The following ADAP2 variants were observed in gnomAD, a reference collection of about 807,000 sequenced individuals.
ADAP2 encodes the protein arf-GAP with dual PH domain-containing protein 2.
In ADAP2, 42 loss-of-function variants were observed where a neutral mutation model predicts 54.9. The ratio of observed to expected loss-of-function variants is 0.77; its 90% CI spans 0.60 to 0.99. The LOEUF is 0.99. ADAP2 is among the 50% of genes least tolerant of loss of function. The pLI is 0.00. For synonymous variants in ADAP2, 177 were observed against 180.1 expected (o/e 0.98, Z 0.14); for missense variants, 429 against 480.4 (o/e 0.89, Z 1.00).
At chr17:30,941,839 GGAT>G (rs1912291516) in intron 5 of ADAP2, among the ~76,000 whole-genome samples, 1 of 152,090 alleles carries the variant, frequency 6.6e-6, no homozygotes, top group South Asian at 2.1e-4. Context: ...GTGACATTTA[GGAT>G]GATAAGTAAT....
chr17:30,954,647 A>G (rs1192210405), intron 9 of ADAP2, 92 bp downstream of exon 9: 23 of 1,096,790 alleles, frequency 2.1e-5, no homozygotes, highest in Non-Finnish European at 2.8e-5. Context: ...AGATAAACAC[A>G]TCTCCCAGAG....
intron 2 of ADAP2, among the ~76,000 whole-genome samples, 171 bp from the exon 3 acceptor site, chr17:30,926,656 C>T (rs146947398): frequency 6.6e-6 from 1 of 152,272 alleles, no homozygotes; most frequent in East Asian, 1.9e-4. Context: ...GTTATATCTG[C>T]CCATGATTGT....
chr17:30,954,246 G>T (rs575479803), intron 8 of ADAP2: 1 of 428,874 alleles, frequency 2.3e-6, no homozygotes, highest in South Asian at 5.0e-5. Flanking sequence ...AGGCAGCAGG[G>T]TGAAGCTGGC....
chr17:30,934,311 C>T lies in ADAP2; in HGVS notation c.510+14C>T. 6.4e-7 allele frequency: 1 copy of T among 1,573,488 alleles called. No homozygotes were observed. Among genetic ancestry groups the T allele is most frequent in the Non-Finnish European group, 8.7e-7 (1 of 1,144,174 alleles). On this transcript the variant is annotated intron_variant, in intron 5 of 10. Transcript: ENST00000330889. ...ACAAAGGAACAGGTAAGATGCCAGA[C>T]CAATGAGAGCAGGTCCCTTCCTGAG...
Position 30,954,549 on chromosome 17 carries a change from CCCACTGGTAAGAG to C in ADAP2, c.882_882+12del. 1 of 1,613,946 alleles carries C rather than the reference CCCACTGGTAAGAG, an allele frequency of 6.2e-7. No individual in the cohort carries two copies. The highest frequency in any genetic ancestry group is 8.5e-7 in the Non-Finnish European group (1 of 1,179,840). On this transcript the variant is annotated splice_donor_variant and splice_donor_5th_base_variant and coding_sequence_variant and intron_variant, in exon 9 of 11. Coordinates refer to ENST00000330889, the MANE Select transcript of ADAP2 (RefSeq NM_018404.3). LOFTEE classifies it high-confidence loss of function. Reference sequence around the variant, plus strand: ...AGCGGAGGCTGCTCTATTACAAGAACCCACTGGTAAGAGCCACTCCTGCTCCCTCCCCAGGGCT... The same window carrying C: ...AGCGGAGGCTGCTCTATTACAAGAACCCACTCCTGCTCCCTCCCCAGGGCT...
At chr17:30,949,433 T>A in intron 7 of ADAP2, 63 bp downstream of exon 7, 1 of 1,490,340 alleles carries the variant, frequency 6.7e-7, no homozygotes, top group Non-Finnish European at 9.4e-7. Flanking sequence ...TTTCCCTGTC[T>A]GTTGACCTCG....
intron 7 of ADAP2, among the ~76,000 whole-genome samples, chr17:30,951,328 T>A (rs1052990960): frequency 8.5e-5 from 13 of 152,090 alleles, no homozygotes; most frequent in Non-Finnish European, 1.6e-4. Context: ...CTTTCCTTTT[T>A]TTCCCAATGG....
intron 4 of ADAP2, 143 bp from the exon 5 acceptor site, chr17:30,934,042 C>A: frequency 1.6e-6 from 1 of 614,424 alleles, no homozygotes; most frequent in Non-Finnish European, 2.9e-6. Context: ...TTGTGTTCTG[C>A]AGCTGAAATA....
chr17:30,956,762 A>T (rs1905104658), intron 10 of ADAP2: 1 of 432,314 alleles, frequency 2.3e-6, no homozygotes, highest in Non-Finnish European at 4.3e-6. Flanking sequence ...GTGGGGGCTA[A>T]GCAGCTTCTC....
intron 2 of ADAP2, among the ~76,000 whole-genome samples, chr17:30,923,494 A>T (rs1598019894): frequency 6.6e-6 from 1 of 151,076 alleles, no homozygotes; most frequent in East Asian, 2.0e-4. Flanking sequence ...CGAACTCCTG[A>T]CCTCAGGCGA....
chr17:30,945,367 C>T (rs2089464), intron 6 of ADAP2, among the ~76,000 whole-genome samples: 31,848 of 152,078 alleles, frequency 0.21, 10,502 homozygotes, highest in African/African-American at 0.7. Flanking sequence ...GTTCTGAATA[C>T]GGGGGAGGAA....
chr17:30,955,700 CA>C lies in ADAP2; in HGVS notation c.883-528del, dbSNP rs61109751. Among the ~76,000 whole-genome samples, 716 of 104,080 alleles carry C rather than the reference CA, an allele frequency of 6.9e-3. 1 individual carries two copies. The highest frequency in any genetic ancestry group is 1.0e-2 in the Non-Finnish European group (489 of 49,104). 68.3% of individuals were successfully genotyped at this position (104,080 alleles called of 152,430 possible). ...CTGGGTGCAGAGTGAGACTCCGTCT[CA>C]AAAAAAAAAAAAGAAAGAAAAAAAA... is the stretch of plus-strand genomic sequence containing the variant. On this transcript the variant is annotated intron_variant, in intron 9 of 10. Coordinates refer to ENST00000330889, the MANE Select transcript of ADAP2 (RefSeq NM_018404.3).
chr17:30,928,351 C>T (rs1173395508), intron 3 of ADAP2, among the ~76,000 whole-genome samples: 4 of 151,892 alleles, frequency 2.6e-5, no homozygotes, highest in Non-Finnish European at 5.9e-5. Flanking sequence ...AAAAAATTAG[C>T]TGGGCATGGT....
intron 8 of ADAP2, chr17:30,954,264 A>C: frequency 6.0e-6 from 3 of 498,440 alleles, no homozygotes; most frequent in Non-Finnish European, 1.1e-5. Context: ...GGCAAAGGGT[A>C]TGGTGGGGTT....
In ADAP2 at chr17:30,948,655, T is replaced by C. The variant is rs1374047657; in HGVS notation, c.658-632T>C. Among the ~76,000 whole-genome samples, 3 of 152,088 alleles carry C rather than the reference T, an allele frequency of 2.0e-5. No homozygotes were observed. In the East Asian group the frequency reaches 5.8e-4, roughly 29 times the overall value. On this transcript the variant is annotated intron_variant, in intron 6 of 10. Transcript: ENST00000330889. ...AGCTGATCAAGGCCAGCTAGATACATGGTTGTCTATGTGGGAGATGAAGGT... is the reference window on the plus strand; with the variant it reads ...AGCTGATCAAGGCCAGCTAGATACACGGTTGTCTATGTGGGAGATGAAGGT...
Position 30,922,994 on chromosome 17 carries a change from G to T in ADAP2, c.149G>T (p.Gly50Val). The T allele has an allele frequency of 6.2e-7, 1 of 1,614,104 alleles. No individual in the cohort carries two copies. The stretch of plus-strand genomic sequence containing the variant: ...ATCTTCATCTGTCTCAACTGCTGCG[G>T]CGTCCACCGTAACTTCCCTGACATC... ...LGIFICLNCC[G>V]VHRNFPDISR... The change falls in exon 2 of 11, where the codon GGC (glycine) becomes GTC (valine). Residue 50 changes from glycine (G) to valine (V), a missense_variant. By Grantham distance (109) the Gly-to-Val change is moderately radical. Transcript: ENST00000330889.
At chr17:30,922,561 G>T (rs2142496441) in intron 1 of ADAP2, among the ~76,000 whole-genome samples, 2 of 152,004 alleles carry the variant, frequency 1.3e-5, no homozygotes, top group South Asian at 4.1e-4. Context: ...CCCCCTGCCC[G>T]CTCCCAGACG....
Position 30,928,869 on chromosome 17 carries a change from A to G in ADAP2, c.317+1951A>G, listed in dbSNP as rs114785420. On this transcript the variant is annotated intron_variant, in intron 3 of 10. Transcript: ENST00000330889. ...ACTTAGACTCCCCACCAGGGCTGCT[A>G]GACAGTATCTTGTGTAAATGGGGAG... Among the ~76,000 whole-genome samples, 789 of 152,300 alleles carry G rather than the reference A, an allele frequency of 5.2e-3. 10 individuals are homozygous for G. Among genetic ancestry groups the G allele is most frequent in the African/African-American group, 0.018 (759 of 41,566 alleles).
chr17:30,934,934 T>C lies in ADAP2; in HGVS notation c.510+637T>C, dbSNP rs1051095275. 3.3e-5 allele frequency among the ~76,000 whole-genome samples: 5 copies of C among 152,258 alleles called. No individual in the cohort carries two copies. In the South Asian group the frequency reaches 1.0e-3, roughly 32 times the overall value. On this transcript the variant is annotated intron_variant, in intron 5 of 10. Transcript: ENST00000330889. ...TTTGTATGGTGGCACATGCCTGTAG[T>C]CCCAGCTACTAGGGAGTCTGAGGTG...
Sources: gnomAD v4.1 joint callset for allele counts (sites outside exome capture counted in the v4.1 genomes callset) on GRCh38, gnomAD v4.1.1 for gene constraint, MANE v1.5 for transcripts, NCBI Gene and HGNC (gene_info 2026-07-23, HGNC 2026-07-21) for gene names.